The following IQCH variants were observed in gnomAD, a reference collection of about 807,000 sequenced individuals.
IQCH encodes IQ domain-containing protein H.
A neutral mutation model predicts 117.0 loss-of-function variants in IQCH; 98 were observed. The observed-to-expected ratio is 0.84, with a 90% CI of 0.71 to 0.99. The LOEUF (loss-of-function observed/expected upper bound fraction) is 0.99. Ranked by LOEUF, IQCH falls within the 50% of genes least tolerant of loss-of-function variation. The pLI is 0.00. For synonymous variants in IQCH, 412 were observed against 448.2 expected (o/e 0.92, Z 1.02); for missense variants, 1,102 against 1,243.8 (o/e 0.89, Z 1.72).
chr15:67,357,465 C>A, intron 7 of IQCH, 44 bp downstream of exon 7: 1 of 1,212,954 alleles, frequency 8.2e-7, no homozygotes, highest in Non-Finnish European at 1.2e-6. Flanking sequence ...TTCTTATTTA[C>A]AGCACTTTCT....
At chr15:67,483,952 C>T (rs999735591) in intron 18 of IQCH, among the ~76,000 whole-genome samples, 1 of 152,190 alleles carries the variant, frequency 6.6e-6, no homozygotes, top group African/African-American at 2.4e-5. Flanking sequence ...AGTTCATGTC[C>T]TGCTAAATTG....
chr15:67,337,346 T>A (rs1044175316), intron 5 of IQCH, among the ~76,000 whole-genome samples: 3 of 152,204 alleles, frequency 2.0e-5, no homozygotes, highest in Non-Finnish European at 4.4e-5. Context: ...TAGATGGTGT[T>A]ATTACCTATT....
chr15:67,371,979 T>A, intron 8 of IQCH, 132 bp from the exon 9 acceptor site: 1 of 769,778 alleles, frequency 1.3e-6, no homozygotes, highest in Non-Finnish European at 2.0e-6. Flanking sequence ...GACGTGTGTG[T>A]TAAATCAGTG....
chr15:67,315,289 T>C (rs148080531), intron 4 of IQCH, among the ~76,000 whole-genome samples: 177 of 152,292 alleles, frequency 1.2e-3, no homozygotes, highest in African/African-American at 3.8e-3. Flanking sequence ...AGGTAATTAG[T>C]TGGACAGTCT....
chr15:67,445,783 A>T lies in IQCH; in HGVS notation c.2506-19344A>T, dbSNP rs2082377832. Among the ~76,000 whole-genome samples, 1 of 152,158 alleles carries T rather than the reference A, an allele frequency of 6.6e-6. No individual in the cohort carries two copies. The highest frequency in any genetic ancestry group is 2.4e-5 in the African/African-American group (1 of 41,438). ...GTCTCCACAAATGTCTTAATATGTA[A>T]ATGCTATTAAACCAACCCACTGGAG... On this transcript the variant is annotated intron_variant, in intron 16 of 20. Coordinates refer to ENST00000335894, the MANE Select transcript of IQCH (RefSeq NM_001031715.3). This position sits in a 1 kb window ranked among gnomAD's most constrained non-coding sequence, Gnocchi z 4.3.
intron 15 of IQCH, among the ~76,000 whole-genome samples, chr15:67,419,754 G>T (rs2081678027): frequency 6.6e-6 from 1 of 152,032 alleles, no homozygotes; most frequent in African/African-American, 2.4e-5. Context: ...TTTTTGTAGA[G>T]ACAGGGTCTA....
chr15:67,325,461 C>T (rs1968364202), intron 4 of IQCH, among the ~76,000 whole-genome samples: 2 of 151,930 alleles, frequency 1.3e-5, no homozygotes, highest in Non-Finnish European at 2.9e-5. Flanking sequence ...TTATGTATAG[C>T]ATTAATAATA....
chr15:67,486,678 A>G (rs2083489878), intron 18 of IQCH, among the ~76,000 whole-genome samples: 1 of 152,260 alleles, frequency 6.6e-6, no homozygotes, highest in Admixed American at 6.5e-5. Flanking sequence ...AATGAAAACC[A>G]CTAATGTAAA....
chr15:67,390,669 A>G lies in IQCH; in HGVS notation c.1632+1663A>G, dbSNP rs1339294826. Among the ~76,000 whole-genome samples, 5 of 151,950 alleles carry G rather than the reference A, an allele frequency of 3.3e-5. No individual in the cohort carries two copies. The highest frequency in any genetic ancestry group is 7.4e-5 in the Non-Finnish European group (5 of 67,962). ...ACACCCAGCTAATTTTTGTATTTTT[A>G]GTAGAGACAGGGTTTCATTATGTTG... On this transcript the variant is annotated intron_variant, in intron 12 of 20. Transcript: ENST00000335894. This position sits in a 1 kb window ranked among gnomAD's most constrained non-coding sequence, Gnocchi z 5.0.
In IQCH at chr15:67,433,180, T is replaced by A. The variant is rs147826295; in HGVS notation, c.2505+11603T>A. Reference sequence around the variant, plus strand: ...CTTGGAAGCATTAAAGTAAAAGACCTTCTCCCTTTAAAAGGGCTGTATCTT... The same window carrying A: ...CTTGGAAGCATTAAAGTAAAAGACCATCTCCCTTTAAAAGGGCTGTATCTT... On this transcript the variant is annotated intron_variant, in intron 16 of 20. Transcript: ENST00000335894. The surrounding 1 kb of genome is among the most constrained non-coding windows in gnomAD (Gnocchi z 5.4). Among the ~76,000 whole-genome samples the A allele has an allele frequency of 1.6e-3, 237 of 152,300 alleles. No homozygotes were observed. The highest frequency in any genetic ancestry group is 5.3e-3 in the African/African-American group (221 of 41,558).
chr15:67,429,932 A>C (rs1431153239), intron 16 of IQCH, among the ~76,000 whole-genome samples: 4 of 152,212 alleles, frequency 2.6e-5, no homozygotes, highest in Non-Finnish European at 5.9e-5. Flanking sequence ...GAAATGTAAG[A>C]CTTAAATATT....
At chr15:67,306,611 C>A (rs1035573474) in intron 4 of IQCH, among the ~76,000 whole-genome samples, 2 of 152,096 alleles carry the variant, frequency 1.3e-5, no homozygotes, top group African/African-American at 4.8e-5. Context: ...TAATAAGAGG[C>A]TGATGCCAGG....
intron 16 of IQCH, among the ~76,000 whole-genome samples, chr15:67,461,072 CA>C (rs2082780639): frequency 6.6e-6 from 1 of 152,128 alleles, no homozygotes; most frequent in Non-Finnish European, 1.5e-5. Context: ...ATCAGAGTCC[CA>C]AATCAAGAAT....
In IQCH at chr15:67,430,281, C is replaced by A. The variant is rs1469081397; in HGVS notation, c.2505+8704C>A. 3 of 152,048 alleles carry A rather than the reference C, an allele frequency of 2.0e-5. No individual in the cohort carries two copies. Among genetic ancestry groups the A allele is most frequent in the Admixed American group, 2.0e-4 (3 of 15,256 alleles). 9.4% of individuals were successfully genotyped at this position (152,048 alleles called of 1,614,324 possible). A position where few individuals can be genotyped will look rare whatever the true frequency, so the allele number is the denominator to read the frequency against. Reference sequence around the variant, plus strand: ...TCCTGGAGCCAGGATCAATGATAAACAGTATCTAGTAGGTTCTAGGAGGGA... The same window carrying A: ...TCCTGGAGCCAGGATCAATGATAAAAAGTATCTAGTAGGTTCTAGGAGGGA... On this transcript the variant is annotated intron_variant, in intron 16 of 20. Coordinates refer to ENST00000335894, the MANE Select transcript of IQCH (RefSeq NM_001031715.3). This position sits in a 1 kb window ranked among gnomAD's most constrained non-coding sequence, Gnocchi z 5.1.
In IQCH at chr15:67,369,502, AAG is replaced by A. The variant is rs112415752; in HGVS notation, c.754-2605_754-2604del. ...GAGAGGAAGGAAGAGAAAAAGAAAA[AAG>A]AGAAAGAAGAGAGGGAAGGGGAAAG... On this transcript the variant is annotated intron_variant, in intron 8 of 20. Transcript: ENST00000335894. This position sits in a 1 kb window ranked among gnomAD's most constrained non-coding sequence, Gnocchi z 5.2. Among the ~76,000 whole-genome samples the A allele has an allele frequency of 2.1e-5, 3 of 145,046 alleles. No homozygotes were observed. Among genetic ancestry groups the A allele is most frequent in the South Asian group, 2.2e-4 (1 of 4,540 alleles).
At chr15:67,272,441 G>A (rs1418682936) in intron 3 of IQCH, among the ~76,000 whole-genome samples, 1 of 152,154 alleles carries the variant, frequency 6.6e-6, no homozygotes, top group African/African-American at 2.4e-5. Flanking sequence ...AGTTAGACCT[G>A]TCTGGTCTAG....
Position 67,372,152 on chromosome 15 carries a change from G to C in IQCH, c.795G>C (p.Leu265=). Residue 265 remains leucine, a synonymous_variant, in exon 9 of 21, where the codon CTG becomes CTC. Coordinates refer to ENST00000335894, the MANE Select transcript of IQCH (RefSeq NM_001031715.3). ...VKTPLRALKS[L]WDYDFLIYDG... ...CACCTTTGAGAGCCCTGAAATCACT[G>C]TGGGATTATGACTTTTTAATTTATG... The C allele has an allele frequency of 6.2e-7, 1 of 1,613,172 alleles. No homozygotes were observed. Among genetic ancestry groups the C allele is most frequent in the East Asian group, 2.2e-5 (1 of 44,864 alleles).
Position 67,393,451 on chromosome 15 carries a change from C to T in IQCH, c.1633-1840C>T, listed in dbSNP as rs574530691. Among the ~76,000 whole-genome samples the T allele has an allele frequency of 1.3e-5, 2 of 152,292 alleles. No individual in the cohort carries two copies. Among genetic ancestry groups the T allele is most frequent in the South Asian group, 4.1e-4 (2 of 4,830 alleles). On this transcript the variant is annotated intron_variant, in intron 12 of 20. Coordinates refer to ENST00000335894, the MANE Select transcript of IQCH (RefSeq NM_001031715.3). This position sits in a 1 kb window ranked among gnomAD's most constrained non-coding sequence, Gnocchi z 5.5. ...GTAGTAGATGCTAGTCTATAAAAAT[C>T]CTTTCAACTCCCTTGAGACCCTGGC...
At chr15:67,302,690 C>T (rs1303812834) in intron 4 of IQCH, among the ~76,000 whole-genome samples, 1 of 152,132 alleles carries the variant, frequency 6.6e-6, no homozygotes, top group South Asian at 2.1e-4. Flanking sequence ...AACCCTGTCT[C>T]TACTAAAAAT....
Sources: gnomAD v4.1 joint callset for allele counts (sites outside exome capture counted in the v4.1 genomes callset) on GRCh38, gnomAD v4.1.1 for gene constraint, Gnocchi (gnomAD v3.1) non-coding constraint, MANE v1.5 for transcripts, NCBI Gene and HGNC (gene_info 2026-07-23, HGNC 2026-07-21) for gene names.